The following TRABD2B variants were observed in gnomAD, a reference collection of about 807,000 sequenced individuals.
The protein encoded by TRABD2B is TraB domain containing 2B.
TRABD2B carries 14 observed loss-of-function variants against 40.1 expected under a neutral mutation model. That is an observed-to-expected ratio of 0.35 (90% CI 0.23 to 0.55). TRABD2B has a LOEUF of 0.55. Among genes scored for constraint, TRABD2B ranks in the 20% least tolerant of loss-of-function variants. The probability of loss-of-function intolerance (pLI) is 0.90; values close to 1 mark genes in which losing one functional copy is unlikely to be tolerated. For missense variants in TRABD2B, 541 were observed against 648.6 expected, an observed-to-expected ratio of 0.83 and a Z score of 1.80; for synonymous variants, 263 against 277.0, an observed-to-expected ratio of 0.95 and a Z score of 0.50.
At position 47,821,885 on chromosome 1, in the gene TRABD2B, A is replaced by C. The variant is rs2124411546; in HGVS notation, c.667-20266T>G. ...CAGCAGATGCAGACATTTGAGGAAA[A>C]AAATTATTCTACAGGGGGTGGAACA... On this transcript the variant is annotated intron_variant, in intron 2 of 6. Transcript: ENST00000606738. 1.3e-5 allele frequency among the ~76,000 whole-genome samples: 2 copies of C among 152,216 alleles called. 1 individual carries two copies. The highest frequency in any genetic ancestry group is 6.8e-3 in the Middle Eastern group (2 of 294).
intron 2 of TRABD2B, among the ~76,000 whole-genome samples, chr1:47,845,467 C>T (rs751331302): frequency 2.6e-5 from 4 of 152,192 alleles, no homozygotes; most frequent in Non-Finnish European, 5.9e-5. Context: ...CACTATTATT[C>T]TCCTCTTACA....
chr1:47,903,804 A>T (rs1470057657), intron 2 of TRABD2B, among the ~76,000 whole-genome samples: 1 of 152,178 alleles, frequency 6.6e-6, no homozygotes. Context: ...TTAAGCTAAA[A>T]ACTTAACACC....
intron 6 of TRABD2B, among the ~76,000 whole-genome samples, chr1:47,771,580 C>T (rs1482423147): frequency 6.6e-6 from 1 of 152,172 alleles, no homozygotes; most frequent in Non-Finnish European, 1.5e-5. Flanking sequence ...CCATCAAGGC[C>T]CTAACTGCAC....
Position 47,885,616 on chromosome 1 carries a change from G to C in TRABD2B, c.667-83997C>G, listed in dbSNP as rs1644360924. 2.6e-5 allele frequency among the ~76,000 whole-genome samples: 4 copies of C among 152,290 alleles called. 1 individual carries two copies. In the South Asian group the frequency reaches 8.3e-4, roughly 32 times the overall value. On this transcript the variant is annotated intron_variant, in intron 2 of 6. Transcript: ENST00000606738. Reference sequence around the variant, plus strand: ...ATGTGCTCTCCCCCCAAATCTCTGGGTTGAAGCGGGAGGCAGGGAGTTCAT... The same window carrying C: ...ATGTGCTCTCCCCCCAAATCTCTGGCTTGAAGCGGGAGGCAGGGAGTTCAT...
At chr1:47,869,115 A>G (rs1644104331) in intron 2 of TRABD2B, among the ~76,000 whole-genome samples, 1 of 151,994 alleles carries the variant, frequency 6.6e-6, no homozygotes, top group East Asian at 1.9e-4. Context: ...TAAGAATTCC[A>G]TGTCATGGAA....
At chr1:47,847,507 C>T (rs1235973047) in intron 2 of TRABD2B, among the ~76,000 whole-genome samples, 5 of 152,148 alleles carry the variant, frequency 3.3e-5, no homozygotes, top group Non-Finnish European at 5.9e-5. Flanking sequence ...TGAATGGTGC[C>T]CTCTCACTGG....
chr1:47,968,885 C>T (rs1177772055), intron 2 of TRABD2B, among the ~76,000 whole-genome samples: 1 of 152,150 alleles, frequency 6.6e-6, no homozygotes, highest in African/African-American at 2.4e-5. Context: ...ATTTCAGTAC[C>T]CAGGCCACTC....
In TRABD2B at chr1:47,994,166, C is replaced by T. The variant is rs778522001; in HGVS notation, c.534G>A (p.Val178=). ...LMVNSLTERD[V]RFRGVPVLDL... ...CGAGCACGGGCACACCACGGAAGCG[C>T]ACGTCCCTCTCTGTGAGCGAGTTTA... is the stretch of plus-strand genomic sequence containing the variant. The change falls in exon 2 of 7, where the codon GTG becomes GTA. Residue 178 remains valine (V), a synonymous_variant. Coordinates refer to ENST00000606738, the MANE Select transcript of TRABD2B (RefSeq NM_001194986.2). This position sits in a 1 kb window ranked among gnomAD's most constrained non-coding sequence, Gnocchi z 6.7. 3.6e-5 allele frequency: 55 copies of T among 1,537,100 alleles called. No individual in the cohort carries two copies. The African/African-American group carries it at 6.3e-4, about 18-fold the overall frequency.
At chr1:47,977,482 C>A (rs749799192) in intron 2 of TRABD2B, among the ~76,000 whole-genome samples, 6 of 152,126 alleles carry the variant, frequency 3.9e-5, no homozygotes, top group African/African-American at 1.2e-4. Flanking sequence ...TTCATTTTCA[C>A]ATGCCTGAGC....
At chr1:47,878,358 T>C (rs957803119) in intron 2 of TRABD2B, among the ~76,000 whole-genome samples, 1 of 152,042 alleles carries the variant, frequency 6.6e-6, no homozygotes, top group Non-Finnish European at 1.5e-5. Flanking sequence ...ATGTTTTCAG[T>C]GAGTAGGTTA....
chr1:47,955,250 C>T (rs76465881), intron 2 of TRABD2B, among the ~76,000 whole-genome samples: 2,058 of 152,304 alleles, frequency 0.014, 22 homozygotes, highest in Non-Finnish European at 0.021. Flanking sequence ...ATAGTTACAA[C>T]TACTACGTTA....
intron 2 of TRABD2B, among the ~76,000 whole-genome samples, chr1:47,817,760 C>T (rs1026836749): frequency 6.6e-6 from 1 of 152,132 alleles, no homozygotes; most frequent in African/African-American, 2.4e-5. Flanking sequence ...GGCCTCACTG[C>T]TCTCTCTTGT....
intron 2 of TRABD2B, among the ~76,000 whole-genome samples, chr1:47,980,700 G>A (rs999326565): frequency 1.3e-5 from 2 of 152,144 alleles, no homozygotes; most frequent in South Asian, 4.1e-4. Flanking sequence ...GCACCTGTAC[G>A]TCTGTTGGGC....
chr1:47,774,532 G>A (rs1644417059), intron 6 of TRABD2B, among the ~76,000 whole-genome samples: 1 of 152,226 alleles, frequency 6.6e-6, no homozygotes, highest in Non-Finnish European at 1.5e-5. Flanking sequence ...GGACTTTGGT[G>A]ACAGACAAGC....
At chr1:47,898,281 A>G (rs879229927) in intron 2 of TRABD2B, among the ~76,000 whole-genome samples, 4 of 152,156 alleles carry the variant, frequency 2.6e-5, no homozygotes, top group African/African-American at 4.8e-5. Flanking sequence ...CTCCGCCCCA[A>G]TCTTTGAGCC....
intron 2 of TRABD2B, among the ~76,000 whole-genome samples, chr1:47,918,465 T>G (rs1180443653): frequency 6.6e-6 from 1 of 152,178 alleles, no homozygotes; most frequent in Non-Finnish European, 1.5e-5. Context: ...CAAGATCACA[T>G]AGCTAGTACG....
intron 2 of TRABD2B, among the ~76,000 whole-genome samples, chr1:47,880,485 C>A (rs1238085903): frequency 3.9e-5 from 6 of 152,128 alleles, no homozygotes; most frequent in Non-Finnish European, 8.8e-5. Flanking sequence ...TGTTTTAAGT[C>A]GTTAAGTGTG....
chr1:47,865,608 G>C (rs1265673092), intron 2 of TRABD2B, among the ~76,000 whole-genome samples: 1 of 152,154 alleles, frequency 6.6e-6, no homozygotes, highest in South Asian at 2.1e-4. Context: ...CAAAAGAAAA[G>C]TTAAGGCACT....
chr1:47,889,712 C>T (rs1437657279), intron 2 of TRABD2B, among the ~76,000 whole-genome samples: 1 of 152,164 alleles, frequency 6.6e-6, no homozygotes, highest in African/African-American at 2.4e-5. Context: ...TGGACTGGGG[C>T]ATTTCTACTC....
Sources: gnomAD v4.1 joint callset for allele counts (sites outside exome capture counted in the v4.1 genomes callset) on GRCh38, gnomAD v4.1.1 for gene constraint, Gnocchi (gnomAD v3.1) non-coding constraint, MANE v1.5 for transcripts, NCBI Gene and HGNC (gene_info 2026-07-23, HGNC 2026-07-21) for gene names.